SLC7A14: variants seen among roughly 807,000 people sequenced by gnomAD.
SLC7A14 encodes the protein gamma-aminobutyric acid transporter SLC7A14.
In SLC7A14, 37 loss-of-function variants were observed where a neutral mutation model predicts 60.2. The ratio of observed to expected loss-of-function variants is 0.61; its 90% confidence interval spans 0.47 to 0.81. The LOEUF is 0.81. Ranked by LOEUF, SLC7A14 falls within the 30% of genes least tolerant of loss-of-function variation. SLC7A14 has a pLI of 0.00. For missense variants in SLC7A14, 886 were observed against 982.7 expected (o/e 0.90, Z 1.32); for synonymous variants, 399 against 395.8 (o/e 1.01, Z -0.10).
At chr3:170,522,955 C>T (rs1393927315) in intron 2 of SLC7A14, among the ~76,000 whole-genome samples, 15 of 152,152 alleles carry the variant, frequency 9.9e-5, no homozygotes, top group African/African-American at 2.9e-4. Flanking sequence ...ATTTAAACTT[C>T]GGTTTACACA....
intron 2 of SLC7A14, among the ~76,000 whole-genome samples, chr3:170,518,914 T>C (rs1408909609): frequency 6.6e-6 from 1 of 152,186 alleles, no homozygotes; most frequent in African/African-American, 2.4e-5. Context: ...TGGAGTGTCC[T>C]ATATTCAAGT....
chr3:170,545,290 C>T (rs774118068), intron 1 of SLC7A14, among the ~76,000 whole-genome samples: 10 of 152,170 alleles, frequency 6.6e-5, no homozygotes, highest in South Asian at 2.1e-4. Flanking sequence ...CAGCAGTGAA[C>T]GCCTCCCCCA....
rs1418529412 is a variant in SLC7A14 at position 170,463,433 on chromosome 3, T to C, written c.*3622A>G. ...CAGAGGAAGAAGGCCTTCTTCATAT[T>C]TGACCCCCCACAGCACATTACAAGT... On this transcript the variant is annotated 3_prime_UTR_variant, in exon 8 of 8. Coordinates refer to ENST00000231706, the MANE Select transcript of SLC7A14 (RefSeq NM_020949.3). The C allele has an allele frequency of 2.0e-5, 3 of 152,216 alleles. No homozygotes were observed. Among genetic ancestry groups the C allele is most frequent in the Non-Finnish European group, 4.4e-5 (3 of 68,052 alleles). 9.4% of individuals were successfully genotyped at this position (152,216 alleles called of 1,614,324 possible).
Position 170,466,878 on chromosome 3 carries a change from CCT to C in SLC7A14, c.*175_*176del. ...ACCAGTTAGGGGACCCAGGTTAAGC[CCT>C]TCAACAGAACTATCCTGAAGAGCAA... On this transcript the variant is annotated 3_prime_UTR_variant, in exon 8 of 8. Coordinates refer to ENST00000231706, the MANE Select transcript of SLC7A14 (RefSeq NM_020949.3). The C allele has an allele frequency of 1.7e-6, 1 of 583,458 alleles. No homozygotes were observed. Among genetic ancestry groups the C allele is most frequent in the Non-Finnish European group, 3.0e-6 (1 of 333,774 alleles). The allele number at this position is 583,458 out of a possible 1,614,324, so 36.1% of individuals were successfully genotyped here.
intron 1 of SLC7A14, among the ~76,000 whole-genome samples, chr3:170,533,230 C>T (rs922507429): frequency 1.3e-5 from 2 of 152,212 alleles, no homozygotes; most frequent in African/African-American, 4.8e-5. Flanking sequence ...TGGGGATGTG[C>T]TTGCATGTCA....
intron 1 of SLC7A14, among the ~76,000 whole-genome samples, chr3:170,578,593 G>A (rs549369978): frequency 1.2e-4 from 18 of 152,248 alleles, no homozygotes; most frequent in African/African-American, 4.3e-4. Context: ...GGCGATGATA[G>A]CATTACCAAC....
intron 1 of SLC7A14, among the ~76,000 whole-genome samples, chr3:170,554,794 T>G (rs1459094228): frequency 6.6e-6 from 1 of 152,242 alleles, no homozygotes; most frequent in East Asian, 1.9e-4. Context: ...TCATCTATTT[T>G]TCCTTACTTA....
At chr3:170,512,909 G>T (rs141513562) in intron 2 of SLC7A14, among the ~76,000 whole-genome samples, 3 of 152,066 alleles carry the variant, frequency 2.0e-5, no homozygotes, top group Non-Finnish European at 2.9e-5. Flanking sequence ...ATTTTATGGC[G>T]TGAGTGTTGC....
chr3:170,545,622 T>G (rs915876545), intron 1 of SLC7A14, among the ~76,000 whole-genome samples: 2 of 152,154 alleles, frequency 1.3e-5, no homozygotes, highest in African/African-American at 4.8e-5. Flanking sequence ...CTACCCTGGT[T>G]CTCCCATCAC....
intron 1 of SLC7A14, among the ~76,000 whole-genome samples, chr3:170,575,335 C>T (rs1715060495): frequency 6.6e-6 from 1 of 152,196 alleles, no homozygotes; most frequent in African/African-American, 2.4e-5. Context: ...TCTGTTCAGG[C>T]TGTGACTCCA....
intron 1 of SLC7A14, among the ~76,000 whole-genome samples, chr3:170,533,458 T>C (rs1022036477): frequency 6.6e-6 from 1 of 152,236 alleles, no homozygotes; most frequent in Non-Finnish European, 1.5e-5. Flanking sequence ...AACTAACATA[T>C]ATCTTGGAGT....
At chr3:170,477,237 T>C (rs1217998920) in intron 7 of SLC7A14, among the ~76,000 whole-genome samples, 2 of 152,258 alleles carry the variant, frequency 1.3e-5, no homozygotes, top group Non-Finnish European at 2.9e-5. Context: ...ACTTTGAGCA[T>C]GTTATTTAAC....
At position 170,459,556 on chromosome 3, in the gene SLC7A14, A is replaced by C. The variant is rs1045612449; in HGVS notation, c.*7499T>G. 4 of 152,220 alleles carry C rather than the reference A, an allele frequency of 2.6e-5. No individual in the cohort carries two copies. The highest frequency in any genetic ancestry group is 9.7e-5 in the African/African-American group (4 of 41,448). 9.4% of individuals were successfully genotyped at this position (152,220 alleles called of 1,614,324 possible). On this transcript the variant is annotated 3_prime_UTR_variant, in exon 8 of 8. Transcript: ENST00000231706. ...GGTAGGATGGCACTGACTTTCTTCA[A>C]ATTTAAATTTTATTAGTCGATTAGC...
chr3:170,514,553 A>G (rs1263624682), intron 2 of SLC7A14, among the ~76,000 whole-genome samples: 1 of 152,202 alleles, frequency 6.6e-6, no homozygotes, highest in East Asian at 1.9e-4. Context: ...GTTTTGAGGC[A>G]CAGCCTATTA....
intron 2 of SLC7A14, among the ~76,000 whole-genome samples, chr3:170,513,709 C>G (rs1713059862): frequency 6.6e-6 from 1 of 152,182 alleles, no homozygotes. Context: ...GTGTCCAGGA[C>G]AAATGCATTC....
chr3:170,498,629 T>C (rs778005151), intron 4 of SLC7A14, 38 bp downstream of exon 4: 1 of 1,594,888 alleles, frequency 6.3e-7, no homozygotes. Flanking sequence ...GAAGGCAGAG[T>C]GTGTGACAGG....
intron 7 of SLC7A14, among the ~76,000 whole-genome samples, chr3:170,471,665 G>A (rs769938454): frequency 1.3e-5 from 2 of 152,118 alleles, no homozygotes; most frequent in Non-Finnish European, 2.9e-5. Context: ...AATCAAGATG[G>A]TCACTGGGAA....
rs1376319489 is a variant in SLC7A14 at position 170,462,665 on chromosome 3, AG to A, written c.*4389del. The A allele has an allele frequency of 7.2e-5, 11 of 152,186 alleles. No homozygotes were observed. The highest frequency in any genetic ancestry group is 2.4e-4 in the African/African-American group (10 of 41,490). The allele number at this position is 152,186 out of a possible 1,614,324, so 9.4% of individuals were successfully genotyped here. ...AGAATAGCTTGAACCCGGGAGGTGAAGGTTGCAGTGAGCCAAGATCATGCCA... is the reference window on the plus strand; with the variant it reads ...AGAATAGCTTGAACCCGGGAGGTGAAGTTGCAGTGAGCCAAGATCATGCCA... On this transcript the variant is annotated 3_prime_UTR_variant, in exon 8 of 8. Coordinates refer to ENST00000231706, the MANE Select transcript of SLC7A14 (RefSeq NM_020949.3).
In SLC7A14 at chr3:170,483,361, C is replaced by G; in HGVS notation, c.1068G>C (p.Pro356=). Residue 356 remains proline, a synonymous_variant, in exon 6 of 8, where the codon CCG becomes CCC. Transcript: ENST00000231706. ...CCATGGCATAAATGACCCTCGGCAT[C>G]GGGAAGAGGGACCCCAGCAAGCTGA... is the stretch of plus-strand genomic sequence containing the variant. ...LTVSLLGSLF[P]MPRVIYAMAG... is the part of the protein sequence containing the mutation. 1 of 1,614,146 alleles carries G rather than the reference C, an allele frequency of 6.2e-7. No homozygotes were observed. The highest frequency in any genetic ancestry group is 8.5e-7 in the Non-Finnish European group (1 of 1,180,026).
Sources: allele counts gnomAD v4.1 joint callset (sites outside exome capture counted in the v4.1 genomes callset), GRCh38; gene constraint gnomAD v4.1.1; transcripts MANE v1.5; gene names NCBI Gene and HGNC (gene_info 2026-07-23, HGNC 2026-07-21).